CROCC: variants seen among roughly 807,000 people sequenced by gnomAD.
CROCC encodes the protein ciliary rootlet coiled-coil, rootletin, also known as rootletin.
In CROCC, 180 loss-of-function variants were observed where a neutral mutation model predicts 245.2. The observed-to-expected ratio is 0.73, with a 90% CI of 0.65 to 0.83. The LOEUF is 0.83. Among genes scored for constraint, CROCC ranks in the 40% least tolerant of loss-of-function variants. The pLI is 0.00. For synonymous variants in CROCC, 1,205 were observed against 1,241.6 expected, an observed-to-expected ratio of 0.97 and a Z score of 0.62; for missense variants, 2,688 against 2,779.4, an observed-to-expected ratio of 0.97 and a Z score of 0.74.
chr1:16,968,983 G>T (rs1363885496), intron 31 of CROCC, 133 bp from the exon 32 acceptor site: 1 of 892,988 alleles, frequency 1.1e-6, no homozygotes, highest in East Asian at 2.6e-5. Flanking sequence ...GGAACACTGG[G>T]TCTCAATGAT....
At chr1:16,963,882 G>A (rs546264279) in intron 27 of CROCC, among the ~76,000 whole-genome samples, 26 of 151,444 alleles carry the variant, frequency 1.7e-4, no homozygotes, top group East Asian at 7.8e-4. Context: ...TGCAACCTCC[G>A]CCTGCTGGGT....
rs189550399 is a variant in CROCC at position 16,931,417 on chromosome 1, G to A, written c.956+20G>A. 9.4e-6 allele frequency: 15 copies of A among 1,598,420 alleles called. No individual in the cohort carries two copies. The highest frequency in any genetic ancestry group is 6.7e-5 in the African/African-American group (5 of 74,866). On this transcript the variant is annotated intron_variant, in intron 8 of 36. Coordinates refer to ENST00000375541, the MANE Select transcript of CROCC (RefSeq NM_014675.5). The stretch of plus-strand genomic sequence containing the variant: ...TGAGAGGTGAGGCCTGGCCGGGGAC[G>A]GGGCAGCAGCTGAGAGCCAGCCCTG...
intron 32 of CROCC, 73 bp from the exon 33 acceptor site, chr1:16,969,712 C>A: frequency 6.5e-7 from 1 of 1,542,812 alleles, no homozygotes; most frequent in South Asian, 1.2e-5. Context: ...GTGGACCTGT[C>A]CAGAGGTACA....
At chr1:16,940,496 C>G (rs1258618718) in intron 13 of CROCC, among the ~76,000 whole-genome samples, 3 of 152,084 alleles carry the variant, frequency 2.0e-5, no homozygotes, top group Admixed American at 6.6e-5. Context: ...TTAAGCAATT[C>G]TCACCTCAGC....
At chr1:16,914,636 A>C (rs2075284297) in intron 1 of CROCC, among the ~76,000 whole-genome samples, 1 of 152,298 alleles carries the variant, frequency 6.6e-6, no homozygotes, top group South Asian at 2.1e-4. Flanking sequence ...CTGGCCACGG[A>C]GGCAGGGCCG....
At position 16,966,195 on chromosome 1, in the gene CROCC, T is replaced by C; in HGVS notation, c.4696+76T>C. The C allele has an allele frequency of 1.3e-6, 2 of 1,543,302 alleles. No homozygotes were observed. Among genetic ancestry groups the C allele is most frequent in the Non-Finnish European group, 1.8e-6 (2 of 1,140,722 alleles). ...TGAGGCAGGAGCCGGGGGATTGGCC[T>C]CTGACCTTGCCGTGGCCCCCATGAC... is the stretch of plus-strand genomic sequence containing the variant. On this transcript the variant is annotated intron_variant, in intron 29 of 36. Coordinates refer to ENST00000375541, the MANE Select transcript of CROCC (RefSeq NM_014675.5). The surrounding 1 kb of genome is among the most constrained non-coding windows in gnomAD (Gnocchi z 4.8).
At chr1:16,939,396 G>A (rs1177553046) in intron 12 of CROCC, among the ~76,000 whole-genome samples, 2 of 152,234 alleles carry the variant, frequency 1.3e-5, no homozygotes, top group African/African-American at 4.8e-5. Context: ...GTGGGTGCTT[G>A]GGCAGCTGGT....
chr1:16,947,957 G>C (rs1256458809), intron 17 of CROCC, among the ~76,000 whole-genome samples: 1 of 152,262 alleles, frequency 6.6e-6, no homozygotes, highest in East Asian at 1.9e-4. Context: ...GCCTGCCTCA[G>C]CGTCCCAAGT....
chr1:16,928,305 C>G (rs1414700201), intron 3 of CROCC, among the ~76,000 whole-genome samples: 1 of 152,264 alleles, frequency 6.6e-6, no homozygotes, highest in African/African-American at 2.4e-5. Flanking sequence ...CACCTCCCTT[C>G]CCCCAACAGC....
Position 16,953,442 on chromosome 1 carries a change from C to T in CROCC, c.3147C>T (p.Arg1049=), listed in dbSNP as rs376540759. The change falls in exon 21 of 37, where the codon CGC becomes CGT. Residue 1049 remains arginine (R), a synonymous_variant. Coordinates refer to ENST00000375541, the MANE Select transcript of CROCC (RefSeq NM_014675.5). The part of the protein sequence containing the change: ...SEEIAALQQE[R]DEGLLLAESE... ...AGATTGCTGCCCTGCAGCAGGAGCG[C>T]GACGAGGGCCTCCTCCTAGCAGAGA... 1,063 of 1,609,902 alleles carry T rather than the reference C, an allele frequency of 6.6e-4. 11 individuals carry two copies. The South Asian group carries it at 9.0e-3, about 14-fold the overall frequency.
chr1:16,953,108 C>T (rs748845125), intron 20 of CROCC, 194 bp from the exon 21 acceptor site: 1 of 591,238 alleles, frequency 1.7e-6, no homozygotes, highest in Non-Finnish European at 3.0e-6. Context: ...CCAGGCCAGC[C>T]CACTGCTGCT....
rs1331167546 is a variant in CROCC at position 16,969,646 on chromosome 1, A to G, written c.5302-139A>G. Reference sequence around the variant, plus strand: ...ATGCAGGTCAGTGGATAGGCCGTGGATGGGTTTGGTGTGCACCCCACCCTC... The same window carrying G: ...ATGCAGGTCAGTGGATAGGCCGTGGGTGGGTTTGGTGTGCACCCCACCCTC... On this transcript the variant is annotated intron_variant, in intron 32 of 36. Coordinates refer to ENST00000375541, the MANE Select transcript of CROCC (RefSeq NM_014675.5). 5.7e-6 allele frequency: 7 copies of G among 1,234,648 alleles called. No individual in the cohort carries two copies. The African/African-American group carries it at 9.1e-5, about 16-fold the overall frequency. The allele number at this position is 1,234,648 out of a possible 1,614,324, so 76.5% of individuals were successfully genotyped here.
chr1:16,920,847 G>T (rs558198117), upstream of CROCC, among the ~76,000 whole-genome samples: 1 of 150,626 alleles, frequency 6.6e-6, no homozygotes, highest in Non-Finnish European at 1.5e-5. Flanking sequence ...GAGTTCAATC[G>T]ATTCTCCTGC....
intron 8 of CROCC, among the ~76,000 whole-genome samples, chr1:16,933,017 C>G (rs1439016628): frequency 1.3e-5 from 2 of 151,852 alleles, no homozygotes; most frequent in African/African-American, 2.4e-5. Flanking sequence ...CACTTTGTTG[C>G]CCAGGCTGGT....
intron 25 of CROCC, among the ~76,000 whole-genome samples, chr1:16,958,271 G>A (rs2076278479): frequency 6.6e-6 from 1 of 152,250 alleles, no homozygotes; most frequent in Non-Finnish European, 1.5e-5. Flanking sequence ...AGAGGGGAAA[G>A]ATAACCCAGG....
chr1:16,951,641 G>A (rs564517508), intron 20 of CROCC, among the ~76,000 whole-genome samples: 16 of 152,366 alleles, frequency 1.1e-4, no homozygotes, highest in African/African-American at 3.6e-4. Context: ...CATCTGCATA[G>A]AGGGCTTAGC....
intron 26 of CROCC, among the ~76,000 whole-genome samples, chr1:16,959,991 G>A (rs2100522305): frequency 6.6e-6 from 1 of 152,062 alleles, no homozygotes; most frequent in East Asian, 1.9e-4. Flanking sequence ...AAACAGCCGG[G>A]CGCAGTGGCT....
chr1:16,933,105 C>T (rs1371908729), intron 8 of CROCC, among the ~76,000 whole-genome samples: 1 of 152,280 alleles, frequency 6.6e-6, no homozygotes, highest in Non-Finnish European at 1.5e-5. Flanking sequence ...GCAACCACAC[C>T]TGGTTTAATA....
At chr1:16,935,449 C>T (rs2075767515) in intron 8 of CROCC, among the ~76,000 whole-genome samples, 1 of 152,262 alleles carries the variant, frequency 6.6e-6, no homozygotes, top group South Asian at 2.1e-4. Flanking sequence ...GAGACATAGT[C>T]TCACTCTGTC....
Sources: gnomAD v4.1 joint callset for allele counts (sites outside exome capture counted in the v4.1 genomes callset) on GRCh38, gnomAD v4.1.1 for gene constraint, Gnocchi (gnomAD v3.1) non-coding constraint, MANE v1.5 for transcripts, NCBI Gene and HGNC (gene_info 2026-07-23, HGNC 2026-07-21) for gene names.